FSD2: variants seen among roughly 807,000 people sequenced by gnomAD.
FSD2 encodes fibronectin type III and SPRY domain-containing protein 2.
FSD2 carries 71 observed loss-of-function variants against 80.4 expected under a neutral mutation model. The ratio of observed to expected loss-of-function variants is 0.88; its 90% CI spans 0.73 to 1.08. FSD2 has a LOEUF of 1.08. FSD2 is among the 50% of genes least tolerant of loss of function. The pLI is 0.00. For synonymous variants in FSD2, 361 were observed against 329.5 expected (o/e 1.10, Z -1.03); for missense variants, 923 against 913.8 (o/e 1.01, Z -0.13).
At position 82,788,341 on chromosome 15, in the gene FSD2, C is replaced by CAA. The variant is rs34050167; in HGVS notation, c.-78-875_-78-874dup. 5.5e-3 allele frequency among the ~76,000 whole-genome samples: 701 copies of CAA among 126,544 alleles called. 6 individuals are homozygous for CAA. Among genetic ancestry groups the CAA allele is most frequent in the Admixed American group, 8.4e-3 (105 of 12,518 alleles). The allele number at this position is 126,544 out of a possible 152,430, so 83.0% of individuals were successfully genotyped here. A position where few individuals can be genotyped will look rare whatever the true frequency, so the allele number is the denominator to read the frequency against. On this transcript the variant is annotated intron_variant, in intron 1 of 12. Transcript: ENST00000334574. The stretch of plus-strand genomic sequence containing the variant: ...CAAGACCCTGTCTCTACCAAAAATA[C>CAA]AAAAAAAAAAAAAAATGCCAGGCAT...
At chr15:82,762,636 A>G (rs2049319129) in intron 11 of FSD2, among the ~76,000 whole-genome samples, 1 of 152,220 alleles carries the variant, frequency 6.6e-6, no homozygotes, top group African/African-American at 2.4e-5. Context: ...AGGGAACCAT[A>G]AGCTTGAAGT....
rs368547186 is a variant in FSD2 at position 82,768,882 on chromosome 15, A to G, written c.1551T>C (p.Thr517=). The G allele has an allele frequency of 5.9e-6, 9 of 1,537,562 alleles. No individual in the cohort carries two copies. Among genetic ancestry groups the G allele is most frequent in the Non-Finnish European group, 7.9e-6 (9 of 1,144,698 alleles). Residue 517 remains threonine, a splice_region_variant and synonymous_variant, in exon 9 of 13, where the codon ACT becomes ACC. Transcript: ENST00000334574. The part of the protein sequence containing the change: ...QAESPEASGV[T]ESVVGIPTCE... The stretch of plus-strand genomic sequence containing the variant: ...CAGCAAATGCCCTCATGACTCACTC[A>G]GTTACACCCGAGGCTTCTGGACTTT...
intron 7 of FSD2, among the ~76,000 whole-genome samples, chr15:82,770,398 G>A (rs1037602532): frequency 5.3e-5 from 8 of 152,194 alleles, no homozygotes; most frequent in African/African-American, 1.2e-4. Flanking sequence ...AGGGCCGGGC[G>A]CGGTAGCTCA....
At chr15:82,769,108 A>G (rs2049496742) in intron 8 of FSD2, 78 bp from the exon 9 acceptor site, 4 of 1,258,636 alleles carry the variant, frequency 3.2e-6, no homozygotes, top group Non-Finnish European at 4.1e-6. Flanking sequence ...ATGGACAAAC[A>G]TCACAGCCAC....
rs936848172 is a variant in FSD2, at chr15:82,759,261, G to A, written c.*87C>T. The A allele has an allele frequency of 1.4e-6, 2 of 1,401,802 alleles. No individual in the cohort carries two copies. Among genetic ancestry groups the A allele is most frequent in the South Asian group, 2.7e-5 (2 of 74,040 alleles). 86.8% of individuals were successfully genotyped at this position (1,401,802 alleles called of 1,614,324 possible). A position where few individuals can be genotyped will look rare whatever the true frequency, so the allele number is the denominator to read the frequency against. On this transcript the variant is annotated 3_prime_UTR_variant, in exon 13 of 13. Coordinates refer to ENST00000334574, the MANE Select transcript of FSD2 (RefSeq NM_001007122.4). ...CCATAAATTGTGCTGGGCACATGGTGCTTAAGTGCCAGGTTCAGCCAGCTA... is the reference window on the plus strand; with the variant it reads ...CCATAAATTGTGCTGGGCACATGGTACTTAAGTGCCAGGTTCAGCCAGCTA...
chr15:82,769,097 C>G, intron 8 of FSD2, 67 bp from the exon 9 acceptor site: 2 of 1,313,686 alleles, frequency 1.5e-6, no homozygotes, highest in Non-Finnish European at 2.0e-6. Context: ...TGTTCAGAGC[C>G]ATGGACAAAC....
intron 1 of FSD2, among the ~76,000 whole-genome samples, chr15:82,789,354 T>TATAATAATA (rs35989908): frequency 0.065 from 9,743 of 148,860 alleles, 419 homozygotes; most frequent in Admixed American, 0.13. Flanking sequence ...TCTAGAAGGA[T>TATAATAATA]ATAATAATAA....
chr15:82,797,080 T>G lies in FSD2; in HGVS notation c.-79+8886A>C, dbSNP rs958093406. Among the ~76,000 whole-genome samples, 105 of 150,990 alleles carry G rather than the reference T, an allele frequency of 7.0e-4. 5 individuals are homozygous for G. Among genetic ancestry groups the G allele is most frequent in the Non-Finnish European group, 2.5e-4 (17 of 67,858 alleles). ...CTAAATGGAAGGACAATTTGAAGTA[T>G]TGCTATCAATGGTGGAGGGTGAATG... On this transcript the variant is annotated intron_variant, in intron 1 of 12. Transcript: ENST00000334574.
Position 82,782,091 on chromosome 15 carries a change from A to ATAATAG in FSD2, c.966+703_966+704insCTATTA, listed in dbSNP as rs1235692506. 2.4e-5 allele frequency among the ~76,000 whole-genome samples: 3 copies of ATAATAG among 126,764 alleles called. 1 individual carries two copies. Among genetic ancestry groups the ATAATAG allele is most frequent in the African/African-American group, 9.1e-5 (3 of 32,952 alleles). The allele number at this position is 126,764 out of a possible 152,430, so 83.2% of individuals were successfully genotyped here. On this transcript the variant is annotated intron_variant, in intron 4 of 12. Transcript: ENST00000334574. The stretch of plus-strand genomic sequence containing the variant: ...AATAATAATAATAATAATAATAATA[A>ATAATAG]TAATAATAATAATAAAACTCTTGGC...
intron 3 of FSD2, among the ~76,000 whole-genome samples, chr15:82,783,483 G>A (rs981030766): frequency 6.6e-6 from 1 of 152,154 alleles, no homozygotes; most frequent in African/African-American, 2.4e-5. Context: ...CTCTTGTTGG[G>A]AGTTGGAATG....
At chr15:82,769,067 G>T in intron 8 of FSD2, 37 bp from the exon 9 acceptor site, 1 of 1,497,014 alleles carries the variant, frequency 6.7e-7, no homozygotes, top group African/African-American at 1.4e-5. Flanking sequence ...AACAACTGTT[G>T]TGTTCATTTC....
intron 4 of FSD2, 52 bp from the exon 5 acceptor site, chr15:82,780,319 TTTTCTTTTTCTTTC>T (rs1474408661): frequency 6.1e-6 from 8 of 1,303,068 alleles, no homozygotes; most frequent in Non-Finnish European, 6.3e-6. Flanking sequence ...TAAATTTCTT[TTTTCTTTTTCTTTC>T]TTTCTTTTTT....
At chr15:82,783,082 T>A in intron 3 of FSD2, 57 bp from the exon 4 acceptor site, 1 of 1,290,250 alleles carries the variant, frequency 7.8e-7, no homozygotes, top group Non-Finnish European at 1.1e-6. Context: ...TTGATTAGAG[T>A]CTTTTGTTTT....
intron 1 of FSD2, among the ~76,000 whole-genome samples, chr15:82,804,639 C>A (rs1455684037): frequency 1.3e-5 from 2 of 152,100 alleles, no homozygotes; most frequent in Non-Finnish European, 2.9e-5. Flanking sequence ...AGGGAAATAG[C>A]CAGGATTCTG....
At chr15:82,803,357 G>T (rs79438536) in intron 1 of FSD2, among the ~76,000 whole-genome samples, 18 of 152,058 alleles carry the variant, frequency 1.2e-4, no homozygotes, top group Non-Finnish European at 1.6e-4. Context: ...TCTGCACATC[G>T]TGCATTCTGA....
In FSD2 at chr15:82,786,837, G is replaced by T; in HGVS notation, c.554C>A (p.Thr185Asn). ...AACCTTCTGAAAAGCTCTTATTGGA[G>T]TCTTACAAGTGACACAGAAGACATC... ...AADVFCVTCK[T>N]PIRAFQKVFD... is the part of the protein sequence containing the mutation. Residue 185 changes from threonine to asparagine, a missense_variant, in exon 2 of 13, where the codon ACT (threonine) becomes AAT (asparagine). Thr to Asn is a moderately conservative substitution (Grantham distance 65, BLOSUM62 0). Coordinates refer to ENST00000334574, the MANE Select transcript of FSD2 (RefSeq NM_001007122.4). The T allele has an allele frequency of 6.2e-7, 1 of 1,613,996 alleles. No homozygotes were observed. Among genetic ancestry groups the T allele is most frequent in the Non-Finnish European group, 8.5e-7 (1 of 1,179,900 alleles).
intron 12 of FSD2, among the ~76,000 whole-genome samples, 181 bp downstream of exon 12, chr15:82,761,921 G>C (rs11637448): frequency 0.15 from 22,754 of 152,108 alleles, 2,184 homozygotes; most frequent in South Asian, 0.34. Context: ...ATTTTTAGTT[G>C]AAGAAAAGCT....
At chr15:82,760,793 C>A (rs1215980806) in intron 12 of FSD2, among the ~76,000 whole-genome samples, 1 of 152,104 alleles carries the variant, frequency 6.6e-6, no homozygotes, top group Non-Finnish European at 1.5e-5. Flanking sequence ...TTGGCTCTAG[C>A]ACTTGGACTG....
At chr15:82,763,735 T>C (rs1567298530) in intron 11 of FSD2, among the ~76,000 whole-genome samples, 3 of 152,182 alleles carry the variant, frequency 2.0e-5, no homozygotes, top group Non-Finnish European at 1.5e-5. Flanking sequence ...TACCATGCAC[T>C]GGAATCTTTC....
Sources: gnomAD v4.1 joint callset for allele counts (sites outside exome capture counted in the v4.1 genomes callset) on GRCh38, gnomAD v4.1.1 for gene constraint, MANE v1.5 for transcripts, NCBI Gene and HGNC (gene_info 2026-07-23, HGNC 2026-07-21) for gene names.